P3H2: variants seen among roughly 807,000 people sequenced by gnomAD.
P3H2 encodes the protein leprecan-like 1.
A neutral mutation model predicts 87.0 loss-of-function variants in P3H2; 80 were observed. The ratio of observed to expected loss-of-function variants is 0.92; its 90% CI spans 0.77 to 1.11. P3H2 has a LOEUF of 1.11. P3H2 is among the 50% of genes least tolerant of loss of function. P3H2 has a pLI of 0.00. For missense variants in P3H2, 1,001 were observed against 923.9 expected, an observed-to-expected ratio of 1.08 and a Z score of -1.08; for synonymous variants, 367 against 359.3, an observed-to-expected ratio of 1.02 and a Z score of -0.24.
intron 1 of P3H2, among the ~76,000 whole-genome samples, chr3:190,030,912 C>T (rs1349033): frequency 0.59 from 89,381 of 151,976 alleles, 27,919 homozygotes; most frequent in Admixed American, 0.71. Flanking sequence ...GAAAACATCA[C>T]TTTGATCTTA....
At chr3:190,017,607 C>T (rs181023508) in intron 1 of P3H2, among the ~76,000 whole-genome samples, 16 of 152,248 alleles carry the variant, frequency 1.1e-4, no homozygotes, top group Middle Eastern at 3.4e-3. Context: ...CCAGCAGTAC[C>T]GTTATGTGTT....
At chr3:190,118,052 C>T (rs1442711396) in intron 1 of P3H2, among the ~76,000 whole-genome samples, 1 of 152,146 alleles carries the variant, frequency 6.6e-6, no homozygotes, top group Non-Finnish European at 1.5e-5. Context: ...CAGAGTGTGA[C>T]TTGTTCCTGT....
chr3:190,113,090 C>G (rs1712136657), intron 1 of P3H2, among the ~76,000 whole-genome samples: 1 of 152,204 alleles, frequency 6.6e-6, no homozygotes, highest in Non-Finnish European at 1.5e-5. Context: ...CACTTTGTCT[C>G]TGAAGGCAAT....
chr3:190,018,375 G>A (rs906612721), intron 1 of P3H2, among the ~76,000 whole-genome samples: 3 of 152,164 alleles, frequency 2.0e-5, no homozygotes, highest in East Asian at 3.9e-4. Flanking sequence ...TATAAATCAG[G>A]TGTTAATAGT....
intron 13 of P3H2, chr3:189,969,355 G>A (rs1723101570): frequency 1.2e-6 from 1 of 831,648 alleles, no homozygotes; most frequent in Non-Finnish European, 2.1e-6. Context: ...TCCCTCAGTT[G>A]TGACCATTGT....
chr3:189,973,916 G>A lies in P3H2; in HGVS notation c.1541C>T (p.Ala514Val), dbSNP rs1723263266. ...AAGAAGTTAAGACTTTACTTTGAGTGCTTTCAGGACAGTTGCACCTTCAAA... is the reference window on the plus strand; with the variant it reads ...AAGAAGTTAAGACTTTACTTTGAGTACTTTCAGGACAGTTGCACCTTCAAA... ...EKFEGATVLK[A>V]LKSGYEGRVP... is the part of the protein sequence containing the mutation. The change falls in exon 10 of 15, where the codon GCA becomes GTA. Residue 514 changes from alanine (A) to valine (V), a missense_variant. Ala to Val is a moderately conservative substitution (Grantham distance 64). Coordinates refer to ENST00000319332, the MANE Select transcript of P3H2 (RefSeq NM_018192.4). 1 of 1,612,308 alleles carries A rather than the reference G, an allele frequency of 6.2e-7. No homozygotes were observed. Among genetic ancestry groups the A allele is most frequent in the Admixed American group, 1.7e-5 (1 of 59,986 alleles).
chr3:190,098,159 A>T (rs748260933), intron 1 of P3H2, among the ~76,000 whole-genome samples: 1 of 152,244 alleles, frequency 6.6e-6, no homozygotes, highest in Non-Finnish European at 1.5e-5. Flanking sequence ...TGTATACACT[A>T]CATTTGTATA....
chr3:189,978,479 A>G (rs1723420505), intron 8 of P3H2, among the ~76,000 whole-genome samples: 1 of 152,210 alleles, frequency 6.6e-6, no homozygotes, highest in South Asian at 2.1e-4. Flanking sequence ...TTCTCCTAGC[A>G]TTCCACAAGT....
intron 14 of P3H2, among the ~76,000 whole-genome samples, chr3:189,962,888 A>G (rs996027050): frequency 6.6e-6 from 1 of 152,256 alleles, no homozygotes; most frequent in East Asian, 1.9e-4. Context: ...ATAGAATGCC[A>G]GTTTTAAGAA....
At chr3:190,074,765 T>C (rs543139873) in intron 1 of P3H2, among the ~76,000 whole-genome samples, 5 of 152,356 alleles carry the variant, frequency 3.3e-5, no homozygotes, top group East Asian at 3.9e-4. Context: ...ATTTGCTTTA[T>C]GTCTTTTCTC....
intron 1 of P3H2, among the ~76,000 whole-genome samples, chr3:190,074,624 T>C (rs1424938626): frequency 2.6e-5 from 4 of 152,200 alleles, no homozygotes; most frequent in Non-Finnish European, 5.9e-5. Flanking sequence ...ATGTAATTCC[T>C]AGATTTATTA....
At chr3:190,016,563 T>C (rs1464446826) in intron 1 of P3H2, among the ~76,000 whole-genome samples, 1 of 152,240 alleles carries the variant, frequency 6.6e-6, no homozygotes, top group Non-Finnish European at 1.5e-5. Flanking sequence ...TATTTTTTAA[T>C]CTGGCATGTG....
At chr3:189,958,479 T>C (rs1392698879) in intron 14 of P3H2, among the ~76,000 whole-genome samples, 1 of 152,070 alleles carries the variant, frequency 6.6e-6, no homozygotes, top group Non-Finnish European at 1.5e-5. Context: ...AATGCACTAT[T>C]GTTGCCGGAG....
chr3:190,027,266 C>A (rs950331252), intron 1 of P3H2, among the ~76,000 whole-genome samples: 12 of 152,304 alleles, frequency 7.9e-5, no homozygotes, highest in African/African-American at 2.6e-4. Context: ...GAGAAACCAC[C>A]CAACAGATAA....
intron 1 of P3H2, among the ~76,000 whole-genome samples, chr3:190,085,686 A>G (rs1390716505): frequency 6.6e-6 from 1 of 152,234 alleles, no homozygotes; most frequent in East Asian, 1.9e-4. Context: ...CTAGAGACAG[A>G]AAATACTAAT....
chr3:190,041,049 C>T (rs868599249), intron 1 of P3H2, among the ~76,000 whole-genome samples: 5,784 of 29,822 alleles, frequency 0.19, 638 homozygotes, highest in Admixed American at 0.25. Flanking sequence ...CACACACACA[C>T]ACACACACAC....
rs369467078 is a variant in P3H2, at chr3:190,120,265, C to G, written c.467G>C (p.Arg156Pro). ...CTCTGTGGGTACCTTGATGTAGGCC[C>G]GCTGCAGGTAGTTGTAGGGCACTCT... ...QRRVPYNYLQ[R>P]AYIKLNQLEK... Residue 156 changes from arginine to proline, a missense_variant, in exon 1 of 15, where the codon CGG (arginine) becomes CCG (proline). Coordinates refer to ENST00000319332, the MANE Select transcript of P3H2 (RefSeq NM_018192.4). 36 of 1,610,904 alleles carry G rather than the reference C, an allele frequency of 2.2e-5. No homozygotes were observed. Among genetic ancestry groups the G allele is most frequent in the Non-Finnish European group, 2.9e-5 (34 of 1,179,364 alleles).
intron 1 of P3H2, among the ~76,000 whole-genome samples, chr3:190,112,930 G>GA (rs138551216): frequency 4.7e-4 from 68 of 144,828 alleles, no homozygotes; most frequent in Middle Eastern, 7.0e-3. Context: ...AAGATGAATG[G>GA]AAAAAAAAAA....
At chr3:189,964,181 A>G in intron 13 of P3H2, 83 bp from the exon 14 acceptor site, 1 of 1,325,736 alleles carries the variant, frequency 7.5e-7, no homozygotes, top group South Asian at 1.2e-5. Context: ...CTATGAGATT[A>G]TTTGAGTTAA....
Sources: allele counts gnomAD v4.1 joint callset (sites outside exome capture counted in the v4.1 genomes callset), GRCh38; gene constraint gnomAD v4.1.1; transcripts MANE v1.5; gene names NCBI Gene and HGNC (gene_info 2026-07-23, HGNC 2026-07-21).